The following CCDC127 variants were observed in gnomAD, a reference collection of about 807,000 sequenced individuals.
The protein encoded by CCDC127 is coiled-coil domain-containing protein 127.
A neutral mutation model predicts 4.1 loss-of-function variants in CCDC127; 2 were observed. That is an observed-to-expected ratio of 0.49 (90% CI 0.20 to 1.53). The LOEUF (loss-of-function observed/expected upper bound fraction) is 1.53, where lower values mean the gene tolerates loss of function less well. CCDC127 is among the 40% of genes most tolerant of loss of function. The pLI is 0.23. For missense variants in CCDC127, 271 were observed against 322.9 expected (o/e 0.84, Z 1.23); for synonymous variants, 98 against 120.4 (o/e 0.81, Z 1.22).
chr5:206,976 C>A (rs1192014828), intron 2 of CCDC127, among the ~76,000 whole-genome samples: 1 of 152,174 alleles, frequency 6.6e-6, no homozygotes, highest in Non-Finnish European at 1.5e-5. Context: ...TCGTCTGCAG[C>A]CCCTTCTAGA....
rs771855043 is a variant in CCDC127, at chr5:205,276, C to G, written c.*21G>C. ...CTGCCTGGCCTCGAGTCACTAAAAG[C>G]AGTTTGATTTCACTCTTGTCTTACT... On this transcript the variant is annotated 3_prime_UTR_variant, in exon 3 of 3. Coordinates refer to ENST00000296824, the MANE Select transcript of CCDC127 (RefSeq NM_145265.3). The G allele has an allele frequency of 6.3e-7, 1 of 1,587,220 alleles. No individual in the cohort carries two copies. The highest frequency in any genetic ancestry group is 8.6e-7 in the Non-Finnish European group (1 of 1,164,366).
chr5:213,224 G>C (rs1191389148), intron 2 of CCDC127, among the ~76,000 whole-genome samples: 69 of 59,058 alleles, frequency 1.2e-3, no homozygotes, highest in East Asian at 5.6e-3. Context: ...ACACCCATCA[G>C]GATGGGGCAG....
chr5:201,778 A>G lies in CCDC127; in HGVS notation c.*3519T>C, dbSNP rs1189058533. On this transcript the variant is annotated 3_prime_UTR_variant, in exon 3 of 3. Transcript: ENST00000296824. ...AGTACAATCTCAACCCCTCCCCGCA[A>G]AAGTCCTTCCTTTTTAAGCCACTGC... 1 of 152,152 alleles carries G rather than the reference A, an allele frequency of 6.6e-6. No individual in the cohort carries two copies. The highest frequency in any genetic ancestry group is 1.5e-5 in the Non-Finnish European group (1 of 68,036). 9.4% of individuals were successfully genotyped at this position (152,152 alleles called of 1,614,324 possible). A position where few individuals can be genotyped will look rare whatever the true frequency, so the allele number is the denominator to read the frequency against.
chr5:203,915 A>C lies in CCDC127; in HGVS notation c.*1382T>G, dbSNP rs971970085. ...TGTGTGCAAGGCTGGCCCTTGACTG[A>C]CATCTGGGAACTCGGATTCTGGGAG... On this transcript the variant is annotated 3_prime_UTR_variant, in exon 3 of 3. Coordinates refer to ENST00000296824, the MANE Select transcript of CCDC127 (RefSeq NM_145265.3). The C allele has an allele frequency of 6.6e-6, 1 of 152,244 alleles. No homozygotes were observed. Among genetic ancestry groups the C allele is most frequent in the African/African-American group, 2.4e-5 (1 of 41,454 alleles). 9.4% of individuals were successfully genotyped at this position (152,244 alleles called of 1,614,324 possible).
Position 205,680 on chromosome 5 carries a change from C to A in CCDC127, c.400G>T (p.Val134Leu), listed in dbSNP as rs1411442284. ...AAATACGCACTTCTCAAAGGCTGCACCTGTCTTTTTTCTTGCATCACCTGG... is the reference window on the plus strand; with the variant it reads ...AAATACGCACTTCTCAAAGGCTGCAACTGTCTTTTTTCTTGCATCACCTGG... ...RAQVMQEKRQ[V>L]QPLRSAYLSC... The change falls in exon 3 of 3, where the codon GTG becomes TTG. Residue 134 changes from valine to leucine, a missense_variant. Around this residue, in one of 2 missense-constraint regions of CCDC127, gnomAD observed 265 missense variants for 270.9 expected, o/e 0.98. Coordinates refer to ENST00000296824, the MANE Select transcript of CCDC127 (RefSeq NM_145265.3). The A allele has an allele frequency of 6.2e-7, 1 of 1,614,126 alleles. No homozygotes were observed. The highest frequency in any genetic ancestry group is 8.5e-7 in the Non-Finnish European group (1 of 1,180,016).
Position 204,609 on chromosome 5 carries a change from C to T in CCDC127, c.*688G>A, listed in dbSNP as rs999507370. 4 of 152,180 alleles carry T rather than the reference C, an allele frequency of 2.6e-5. No individual in the cohort carries two copies. In the East Asian group the frequency reaches 5.8e-4, roughly 22 times the overall value. The allele number at this position is 152,180 out of a possible 1,614,324, so 9.4% of individuals were successfully genotyped here. On this transcript the variant is annotated 3_prime_UTR_variant, in exon 3 of 3. Transcript: ENST00000296824. ...ACAGACACAAGCCAAATTCCAAACACACATTAGGTAACAACTGGATACAAC... is the reference window on the plus strand; with the variant it reads ...ACAGACACAAGCCAAATTCCAAACATACATTAGGTAACAACTGGATACAAC...
intron 2 of CCDC127, among the ~76,000 whole-genome samples, chr5:211,286 A>G (rs62346516): frequency 0.23 from 12,194 of 53,168 alleles, no homozygotes; most frequent in South Asian, 0.32. Flanking sequence ...GTGTGAGCAC[A>G]CTGATGCTCG....
In CCDC127 at chr5:205,325, C is replaced by G; in HGVS notation, c.755G>C (p.Arg252Thr). 1 of 1,613,060 alleles carries G rather than the reference C, an allele frequency of 6.2e-7. No homozygotes were observed. The highest frequency in any genetic ancestry group is 8.5e-7 in the Non-Finnish European group (1 of 1,179,380). Residue 252 changes from arginine to threonine, a missense_variant, in exon 3 of 3, where the codon AGA (arginine) becomes ACA (threonine). By Grantham distance (71) the Arg-to-Thr change is moderately conservative. This residue lies in a region of CCDC127 where 265 missense variants were observed against 270.9 expected (regional missense o/e 0.98). Transcript: ENST00000296824. ...CTTTTCTAGTATGGCTTCCTCTACTCTCTTAAACTTCTTCAGTTCGACAAC... is the reference window on the plus strand; with the variant it reads ...CTTTTCTAGTATGGCTTCCTCTACTGTCTTAAACTTCTTCAGTTCGACAAC... ...ELVVELKKFK[R>T]VEEAILEK
intron 2 of CCDC127, among the ~76,000 whole-genome samples, chr5:208,882 C>A (rs900256185): frequency 6.6e-6 from 1 of 152,196 alleles, no homozygotes; most frequent in Admixed American, 6.5e-5. Context: ...AGGGCCAGGA[C>A]GGGTCACACT....
intron 1 of CCDC127, among the ~76,000 whole-genome samples, chr5:217,688 G>T (rs1407166639): frequency 2.0e-5 from 3 of 151,824 alleles, no homozygotes; most frequent in African/African-American, 7.3e-5. Flanking sequence ...CCTCCTCGTG[G>T]TGGTGATGAA....
chr5:213,290 G>A (rs1401471556), intron 2 of CCDC127, among the ~76,000 whole-genome samples: 1 of 82,530 alleles, frequency 1.2e-5, no homozygotes, highest in South Asian at 3.9e-4. Context: ...CAGCCACGAC[G>A]AGACAGCACC....
chr5:214,507 G>T, intron 2 of CCDC127: 1 of 152,316 alleles, frequency 6.6e-6, no homozygotes. Context: ...GAGAAAGCAC[G>T]GAGAGATGGG....
rs374021544 is a variant in CCDC127, at chr5:197,252, G to A, written c.*8045C>T. 1.2e-4 allele frequency: 18 copies of A among 152,156 alleles called. No individual in the cohort carries two copies. Among genetic ancestry groups the A allele is most frequent in the African/African-American group, 2.2e-4 (9 of 41,426 alleles). 9.4% of individuals were successfully genotyped at this position (152,156 alleles called of 1,614,324 possible). A position where few individuals can be genotyped will look rare whatever the true frequency, so the allele number is the denominator to read the frequency against. On this transcript the variant is annotated 3_prime_UTR_variant, in exon 3 of 3. Transcript: ENST00000296824. Reference sequence around the variant, plus strand: ...AATGTACAATCGGGTTTTACACCGCGACATTCAGTTCCCAGCGGCGAGCAG... The same window carrying A: ...AATGTACAATCGGGTTTTACACCGCAACATTCAGTTCCCAGCGGCGAGCAG...
At chr5:209,771 C>G (rs1734242417) in intron 2 of CCDC127, among the ~76,000 whole-genome samples, 1 of 152,250 alleles carries the variant, frequency 6.6e-6, no homozygotes, top group Admixed American at 6.5e-5. Flanking sequence ...TTCTACAGCA[C>G]GGCCACGTGG....
chr5:200,153 T>A lies in CCDC127; in HGVS notation c.*5144A>T, dbSNP rs1734047309. 1.3e-5 allele frequency: 2 copies of A among 152,180 alleles called. No individual in the cohort carries two copies. The highest frequency in any genetic ancestry group is 4.8e-5 in the African/African-American group (2 of 41,434). 9.4% of individuals were successfully genotyped at this position (152,180 alleles called of 1,614,324 possible). A position where few individuals can be genotyped will look rare whatever the true frequency, so the allele number is the denominator to read the frequency against. On this transcript the variant is annotated 3_prime_UTR_variant, in exon 3 of 3. Transcript: ENST00000296824. ...CAGAGCCACATTCAGGCTCATCTGG[T>A]CCCGCTACCCGACAGCAAGACCCTC...
rs1164490641 is a variant in CCDC127 at position 198,167 on chromosome 5, T to C, written c.*7130A>G. ...CAGGAATGGACGGCCTCCTGCCGAG[T>C]GGGCAGATATGGTGACTTCCACTCC... On this transcript the variant is annotated 3_prime_UTR_variant, in exon 3 of 3. Coordinates refer to ENST00000296824, the MANE Select transcript of CCDC127 (RefSeq NM_145265.3). The C allele has an allele frequency of 1.3e-5, 2 of 152,232 alleles. No individual in the cohort carries two copies. Among genetic ancestry groups the C allele is most frequent in the Non-Finnish European group, 2.9e-5 (2 of 68,098 alleles). The allele number at this position is 152,232 out of a possible 1,614,324, so 9.4% of individuals were successfully genotyped here. A position where few individuals can be genotyped will look rare whatever the true frequency, so the allele number is the denominator to read the frequency against.
At position 197,017 on chromosome 5, in the gene CCDC127, G is replaced by T. The variant is rs867554626; in HGVS notation, c.*8280C>A. On this transcript the variant is annotated 3_prime_UTR_variant, in exon 3 of 3. Transcript: ENST00000296824. ...AGTAGGAGAGCAGGGTGATAATAAGGAGGAGGTCAGCAAAAACGTGTGAGC... is the reference window on the plus strand; with the variant it reads ...AGTAGGAGAGCAGGGTGATAATAAGTAGGAGGTCAGCAAAAACGTGTGAGC... The T allele has an allele frequency of 6.7e-6, 1 of 150,066 alleles. No homozygotes were observed. Among genetic ancestry groups the T allele is most frequent in the African/African-American group, 2.5e-5 (1 of 39,694 alleles). 9.3% of individuals were successfully genotyped at this position (150,066 alleles called of 1,614,324 possible). A position where few individuals can be genotyped will look rare whatever the true frequency, so the allele number is the denominator to read the frequency against.
chr5:199,421 T>A lies in CCDC127; in HGVS notation c.*5876A>T, dbSNP rs1351348595. 1 of 153,306 alleles carries A rather than the reference T, an allele frequency of 6.5e-6. No homozygotes were observed. The highest frequency in any genetic ancestry group is 1.5e-5 in the Non-Finnish European group (1 of 68,900). The allele number at this position is 153,306 out of a possible 1,614,324, so 9.5% of individuals were successfully genotyped here. A position where few individuals can be genotyped will look rare whatever the true frequency, so the allele number is the denominator to read the frequency against. On this transcript the variant is annotated 3_prime_UTR_variant, in exon 3 of 3. Coordinates refer to ENST00000296824, the MANE Select transcript of CCDC127 (RefSeq NM_145265.3). Reference sequence around the variant, plus strand: ...TCATCCACCAGCGCTCTCCTGCTCTTCCTCTTCTGAGTTGAGCAAGGCTCC... The same window carrying A: ...TCATCCACCAGCGCTCTCCTGCTCTACCTCTTCTGAGTTGAGCAAGGCTCC...
In CCDC127 at chr5:205,156, T is replaced by C; in HGVS notation, c.*141A>G. ...CTTCGGTGCACTTCTGCTCAGACGG[T>C]GGCGGGAGTGGAGGTCGCTGCTGAA... On this transcript the variant is annotated 3_prime_UTR_variant, in exon 3 of 3. Transcript: ENST00000296824. 4.2e-6 allele frequency: 3 copies of C among 706,702 alleles called. No individual in the cohort carries two copies. The highest frequency in any genetic ancestry group is 7.0e-6 in the Non-Finnish European group (3 of 426,470). 43.8% of individuals were successfully genotyped at this position (706,702 alleles called of 1,614,324 possible).
Sources: gnomAD v4.1 joint callset for allele counts (sites outside exome capture counted in the v4.1 genomes callset) on GRCh38, gnomAD v4.1.1 for gene constraint, gnomAD v4.1.1 regional missense constraint, MANE v1.5 for transcripts, NCBI Gene and HGNC (gene_info 2026-07-23, HGNC 2026-07-21) for gene names.